Variants in SNX3 observed in about 807,000 individuals in gnomAD.
The protein encoded by SNX3 is sorting nexin 3, also known as sorting nexin-3.
A neutral mutation model predicts 17.7 loss-of-function variants in SNX3; 5 were observed. The ratio of observed to expected loss-of-function variants is 0.28; its 90% CI spans 0.15 to 0.59. The LOEUF is 0.59. Ranked by LOEUF, SNX3 falls within the 20% of genes least tolerant of loss-of-function variation. SNX3 has a pLI of 0.88. For synonymous variants in SNX3, 91 were observed against 76.5 expected (o/e 1.19, Z -0.99); for missense variants, 132 against 206.8 (o/e 0.64, Z 2.22).
intron 1 of SNX3, among the ~76,000 whole-genome samples, chr6:108,225,324 C>T (rs1477706774): frequency 6.6e-6 from 1 of 151,790 alleles, no homozygotes; most frequent in South Asian, 2.1e-4. Context: ...CTAGGCCTGG[C>T]GTGGTGGCTC....
At chr6:108,241,015 G>A (rs966262926) in intron 1 of SNX3, among the ~76,000 whole-genome samples, 1 of 151,814 alleles carries the variant, frequency 6.6e-6, no homozygotes, top group African/African-American at 2.4e-5. Flanking sequence ...AGGGGTACAT[G>A]CCTGTAATCC....
At chr6:108,230,948 G>T (rs1373304404) in intron 1 of SNX3, among the ~76,000 whole-genome samples, 2 of 152,060 alleles carry the variant, frequency 1.3e-5, no homozygotes, top group Non-Finnish European at 2.9e-5. Context: ...CCACTACTTA[G>T]TAACATTTCT....
At chr6:108,217,815 G>A (rs978885215) in intron 2 of SNX3, among the ~76,000 whole-genome samples, 14 of 151,916 alleles carry the variant, frequency 9.2e-5, no homozygotes, top group African/African-American at 3.4e-4. Flanking sequence ...GTGCGTGCAT[G>A]TGGGGTGAGA....
At chr6:108,221,748 T>G (rs1045467578) in intron 2 of SNX3, among the ~76,000 whole-genome samples, 1 of 151,920 alleles carries the variant, frequency 6.6e-6, no homozygotes, top group Non-Finnish European at 1.5e-5. Flanking sequence ...GTTTCGCATG[T>G]TGCCCACGCT....
intron 1 of SNX3, among the ~76,000 whole-genome samples, chr6:108,255,272 C>T (rs920489078): frequency 5.9e-5 from 9 of 152,228 alleles, no homozygotes; most frequent in African/African-American, 2.2e-4. Flanking sequence ...TAACAGACAA[C>T]ATCTCATTGG....
chr6:108,237,354 C>T (rs1480597906), intron 1 of SNX3, among the ~76,000 whole-genome samples: 3 of 152,176 alleles, frequency 2.0e-5, no homozygotes, highest in Admixed American at 6.5e-5. Flanking sequence ...TCCTTTATCT[C>T]TAGCCCTCAA....
chr6:108,246,250 T>G (rs375893814), intron 1 of SNX3, among the ~76,000 whole-genome samples: 3 of 151,684 alleles, frequency 2.0e-5, no homozygotes, highest in African/African-American at 7.3e-5. Context: ...CAGATGGTTG[T>G]AGACGTGTGG....
chr6:108,251,214 C>T (rs1301022803), intron 1 of SNX3, among the ~76,000 whole-genome samples: 1 of 152,086 alleles, frequency 6.6e-6, no homozygotes, highest in South Asian at 2.1e-4. Context: ...TCAAAACTTA[C>T]TCACTTAAGA....
chr6:108,251,138 C>A (rs573193398), intron 1 of SNX3, among the ~76,000 whole-genome samples: 15 of 152,184 alleles, frequency 9.9e-5, no homozygotes, highest in Non-Finnish European at 2.2e-4. Context: ...ATACCCCTAT[C>A]AGATATGCCA....
intron 1 of SNX3, among the ~76,000 whole-genome samples, chr6:108,240,965 AC>A (rs1775499845): frequency 6.6e-6 from 1 of 151,588 alleles, no homozygotes; most frequent in African/African-American, 2.4e-5. Context: ...ACACGGTGAA[AC>A]CCTGTCTCTA....
At position 108,211,777 on chromosome 6, in the gene SNX3, AAG is replaced by A. The variant is rs1774411661; in HGVS notation, c.*370_*371del. ...GTGACATCACAAATTAAAAGGGGGA[AAG>A]AGAAATATTCTAGTTAATCAGATGC... On this transcript the variant is annotated 3_prime_UTR_variant, in exon 4 of 4. Transcript: ENST00000230085. The A allele has an allele frequency of 1.1e-5, 2 of 179,494 alleles. No individual in the cohort carries two copies. Among genetic ancestry groups the A allele is most frequent in the South Asian group, 1.2e-4 (1 of 8,038 alleles). 11.1% of individuals were successfully genotyped at this position (179,494 alleles called of 1,614,324 possible).
At chr6:108,259,337 G>C (rs1776120731) in intron 1 of SNX3, among the ~76,000 whole-genome samples, 1 of 152,228 alleles carries the variant, frequency 6.6e-6, no homozygotes, top group Non-Finnish European at 1.5e-5. Context: ...CAGTTCAAGA[G>C]ATTCTCCGGC....
rs190360422 is a variant in SNX3, at chr6:108,223,037, A to G, written c.171T>C (p.Leu57=). The change falls in exon 2 of 4, where the codon CTT becomes CTC. Residue 57 remains leucine (L), a synonymous_variant. Transcript: ENST00000230085. ...TAGATTCTTTCAGCTTGAAAATAGG[A>G]AGATTTGTCTGAAACAAAAAAAGTT... is the stretch of plus-strand genomic sequence containing the variant. ...TTYEIRVKTN[L]PIFKLKESTV... The G allele has an allele frequency of 3.1e-6, 5 of 1,595,832 alleles. No individual in the cohort carries two copies. The East Asian group carries it at 1.1e-4, about 36-fold the overall frequency.
intron 2 of SNX3, among the ~76,000 whole-genome samples, chr6:108,219,953 T>G (rs949019096): frequency 6.6e-6 from 1 of 152,148 alleles, no homozygotes; most frequent in South Asian, 2.1e-4. Flanking sequence ...TGATCCTGAC[T>G]CTGTGCAGGC....
intron 1 of SNX3, among the ~76,000 whole-genome samples, chr6:108,226,951 G>GA (rs1401661222): frequency 6.6e-6 from 1 of 152,054 alleles, no homozygotes; most frequent in East Asian, 1.9e-4. Flanking sequence ...AATGACTAAG[G>GA]AAAAAATTGC....
chr6:108,236,381 T>A (rs9400217), intron 1 of SNX3, among the ~76,000 whole-genome samples: 56,319 of 110,296 alleles, frequency 0.51, 13,799 homozygotes, highest in East Asian at 0.66. Flanking sequence ...TATTATTATT[T>A]TTTTTTTTTT....
At chr6:108,215,936 AT>A (rs1222194573) in intron 2 of SNX3, among the ~76,000 whole-genome samples, 4 of 152,166 alleles carry the variant, frequency 2.6e-5, no homozygotes, top group African/African-American at 9.7e-5. Flanking sequence ...TAAAAAAAAA[AT>A]AAATTTTTAA....
chr6:108,259,031 T>A (rs1040993552), intron 1 of SNX3, among the ~76,000 whole-genome samples: 3 of 152,072 alleles, frequency 2.0e-5, no homozygotes, highest in African/African-American at 7.2e-5. Flanking sequence ...AAGTTCTGTT[T>A]TAGCACAAGA....
chr6:108,246,865 T>G (rs977199855), intron 1 of SNX3, among the ~76,000 whole-genome samples: 8 of 152,066 alleles, frequency 5.3e-5, no homozygotes, highest in Non-Finnish European at 1.2e-4. Context: ...AAGTCCACAC[T>G]GGATTAGCTT....
Sources: gnomAD v4.1 joint callset for allele counts (sites outside exome capture counted in the v4.1 genomes callset) on GRCh38, gnomAD v4.1.1 for gene constraint, MANE v1.5 for transcripts, NCBI Gene and HGNC (gene_info 2026-07-23, HGNC 2026-07-21) for gene names.